SDHA: variants seen among roughly 807,000 people sequenced by gnomAD.
The protein encoded by SDHA is succinate dehydrogenase complex flavoprotein subunit A.
SDHA carries 48 observed loss-of-function variants against 78.4 expected under a neutral mutation model. The ratio of observed to expected loss-of-function variants is 0.61; its 90% CI spans 0.49 to 0.78. The LOEUF is 0.78. Among genes scored for constraint, SDHA ranks in the 30% least tolerant of loss-of-function variants. The pLI is 0.00. For missense variants in SDHA, 680 were observed against 892.7 expected (o/e 0.76, Z 3.04); for synonymous variants, 326 against 353.9 (o/e 0.92, Z 0.88).
rs184601975 is a variant in SDHA at position 230,179 on chromosome 5, G to A, written c.771-697G>A. On this transcript the variant is annotated intron_variant, in intron 6 of 14. Transcript: ENST00000264932. The stretch of plus-strand genomic sequence containing the variant: ...ATCATTTCACAAAATAAATCATCAC[G>A]CTGTACACCATAAATATATAGTTTT... Among the ~76,000 whole-genome samples, 7 of 148,358 alleles carry A rather than the reference G, an allele frequency of 4.7e-5. No individual in the cohort carries two copies. The South Asian group carries it at 6.2e-4, about 13-fold the overall frequency.
At chr5:235,712 G>T in intron 9 of SDHA, 1 of 359,208 alleles carries the variant, frequency 2.8e-6, no homozygotes. Context: ...GGGCGAGGTG[G>T]GTGGAAGCTG....
chr5:228,966 A>G (rs1162720690), intron 6 of SDHA, among the ~76,000 whole-genome samples: 8 of 152,218 alleles, frequency 5.3e-5, no homozygotes, highest in Non-Finnish European at 1.0e-4. Flanking sequence ...ACTTGAATAG[A>G]TATTTTTCTA....
rs766291362 is a variant in SDHA, at chr5:251,514, C to T, written c.1794+46C>T. The T allele has an allele frequency of 8.7e-6, 14 of 1,613,166 alleles. No individual in the cohort carries two copies. In the Admixed American group the frequency reaches 1.8e-4, roughly 21 times the overall value. Reference sequence around the variant, plus strand: ...CACCTGCACCTGCCTTTTCCTGCCACCTGGTGGGACTCAGCCCCACCCCTG... The same window carrying T: ...CACCTGCACCTGCCTTTTCCTGCCATCTGGTGGGACTCAGCCCCACCCCTG... On this transcript the variant is annotated intron_variant, in intron 13 of 14. Transcript: ENST00000264932.
At position 236,552 on chromosome 5, in the gene SDHA, T is replaced by C; in HGVS notation, c.1385T>C (p.Val462Ala). Residue 462 changes from valine to alanine, a missense_variant, in exon 10 of 15, where the codon GTC (valine) becomes GCC (alanine). Transcript: ENST00000264932. ...LGANSLLDLV[V>A]FGRACALSIE... ...GCAAACTCGCTCTTGGACCTGGTTG[T>C]CTTTGGTCGGGCATGTGCCCTGAGC... is the stretch of plus-strand genomic sequence containing the variant. 2.5e-6 allele frequency: 4 copies of C among 1,614,066 alleles called. No individual in the cohort carries two copies. The highest frequency in any genetic ancestry group is 3.4e-6 in the Non-Finnish European group (4 of 1,179,880).
At chr5:250,623 C>G (rs1387498867) in intron 11 of SDHA, 3 of 351,430 alleles carry the variant, frequency 8.5e-6, no homozygotes, top group Non-Finnish European at 1.1e-5. Context: ...CACCACCAGA[C>G]CCCGCGTCAG....
At chr5:222,619 C>T (rs1226859123) in intron 1 of SDHA, among the ~76,000 whole-genome samples, 2 of 152,140 alleles carry the variant, frequency 1.3e-5, no homozygotes, top group Non-Finnish European at 2.9e-5. Context: ...GGATTACAGG[C>T]ATGAGCCACC....
intron 11 of SDHA, among the ~76,000 whole-genome samples, chr5:241,188 C>T (rs746970790): frequency 7.2e-5 from 11 of 152,152 alleles, no homozygotes; most frequent in Non-Finnish European, 1.5e-4. Flanking sequence ...TTGGGTGTGA[C>T]CTCCGTGACC....
chr5:259,933 T>G (rs1247848980), downstream of SDHA, among the ~76,000 whole-genome samples: 2 of 40,170 alleles, frequency 5.0e-5, no homozygotes, highest in African/African-American at 3.5e-4. Context: ...AGCATTACCG[T>G]GTGAGCTCCG....
chr5:252,933 G>A (rs1343732200), intron 13 of SDHA: 2 of 152,648 alleles, frequency 1.3e-5, no homozygotes, highest in Non-Finnish European at 2.9e-5. Flanking sequence ...GCGCTGTGGA[G>A]GAAATGCCAG....
intron 11 of SDHA, among the ~76,000 whole-genome samples, chr5:247,579 C>CGTAA (rs958830773): frequency 2.0e-5 from 3 of 152,354 alleles, no homozygotes; most frequent in African/African-American, 7.2e-5. Context: ...TCATCTTTTA[C>CGTAA]AGGAGGAGTT....
At chr5:266,381 G>C in the SDHA span, among the ~76,000 whole-genome samples, 1 of 152,154 alleles carries the variant, frequency 6.6e-6, no homozygotes, top group African/African-American at 2.4e-5. Context: ...ATAACTGACA[G>C]GCAGTGTTGT....
At chr5:235,750 G>A (rs1486851385) in intron 9 of SDHA, 3 of 333,074 alleles carry the variant, frequency 9.0e-6, no homozygotes, top group Admixed American at 8.8e-5. Context: ...ACGAAGAGGT[G>A]AACGGGGTAG....
At chr5:252,650 C>A (rs1249393838) in intron 13 of SDHA, among the ~76,000 whole-genome samples, 5 of 146,684 alleles carry the variant, frequency 3.4e-5, no homozygotes, top group African/African-American at 1.0e-4. Context: ...TTCAAACCTG[C>A]CCTGTGGAGG....
At chr5:257,858 C>T (rs1379584859), downstream of SDHA, among the ~76,000 whole-genome samples, 2 of 19,678 alleles carry the variant, frequency 1.0e-4, no homozygotes, top group Non-Finnish European at 3.3e-4. Flanking sequence ...GTGTGAGCTC[C>T]GCCTCCTGCC....
In SDHA at chr5:252,173, T is replaced by C. The variant is rs534884347; in HGVS notation, c.1794+705T>C. Among the ~76,000 whole-genome samples, 5 of 148,152 alleles carry C rather than the reference T, an allele frequency of 3.4e-5. No homozygotes were observed. The East Asian group carries it at 1.0e-3, about 31-fold the overall frequency. ...ACCTGTCCTGTGGAGGAAATGCCAG[T>C]TTATTAACGAATAAGCCACCGTTTC... On this transcript the variant is annotated intron_variant, in intron 13 of 14. Coordinates refer to ENST00000264932, the MANE Select transcript of SDHA (RefSeq NM_004168.4).
intron 5 of SDHA, among the ~76,000 whole-genome samples, chr5:226,440 T>C (rs1175185372): frequency 6.6e-6 from 1 of 152,094 alleles, no homozygotes; most frequent in Non-Finnish European, 1.5e-5. Context: ...GAGACCAGCC[T>C]GGACAACATA....
At chr5:252,039 C>T (rs1230377631) in intron 13 of SDHA, among the ~76,000 whole-genome samples, 1 of 149,130 alleles carries the variant, frequency 6.7e-6, no homozygotes, top group Non-Finnish European at 1.5e-5. Context: ...CCGTTTCAGA[C>T]CTGCCCTGTG....
At chr5:227,621 T>C (rs112163277) in intron 5 of SDHA, 37,385 of 179,228 alleles carry the variant, frequency 0.21, 6,625 homozygotes, top group African/African-American at 0.52. Context: ...GAGCGACTTG[T>C]GCTGGCTGAG....
chr5:230,634 T>A (rs1037959035), intron 6 of SDHA, among the ~76,000 whole-genome samples: 1 of 151,706 alleles, frequency 6.6e-6, no homozygotes, highest in East Asian at 1.9e-4. Context: ...TCAAAATAAA[T>A]AAATAAAATA....
Sources: gnomAD v4.1 joint callset for allele counts (sites outside exome capture counted in the v4.1 genomes callset) on GRCh38, gnomAD v4.1.1 for gene constraint, MANE v1.5 for transcripts, NCBI Gene and HGNC (gene_info 2026-07-23, HGNC 2026-07-21) for gene names.